UMAD1: variants seen among roughly 807,000 people sequenced by gnomAD.
The protein encoded by UMAD1 is UBAP1-MVB12-associated (UMA) domain containing 1.
A neutral mutation model predicts 6.1 loss-of-function variants in UMAD1; 8 were observed. The observed-to-expected ratio is 1.30, with a 90% confidence interval of 0.76 to 2.35. The LOEUF (loss-of-function observed/expected upper bound fraction) is 2.35, where lower values mean the gene tolerates loss of function less well. Ranked by LOEUF, UMAD1 falls within the 30% of genes most tolerant of loss-of-function variation. The pLI is 0.00. For synonymous variants in UMAD1, 56 were observed against 31.4 expected (o/e 1.78, Z -2.61); for missense variants, 130 against 78.4 (o/e 1.66, Z -2.49).
intron 1 of UMAD1, among the ~76,000 whole-genome samples, chr7:7,672,299 G>T (rs1013475887): frequency 6.6e-6 from 1 of 152,086 alleles, no homozygotes; most frequent in Non-Finnish European, 1.5e-5. Flanking sequence ...TCTAGAAATT[G>T]TTGGCCTACT....
intron 2 of UMAD1, among the ~76,000 whole-genome samples, chr7:7,687,915 C>T (rs1583737415): frequency 6.6e-6 from 1 of 152,258 alleles, no homozygotes; most frequent in Admixed American, 6.5e-5. Flanking sequence ...CCATCATTTC[C>T]TGATGCACCA....
At chr7:7,685,385 C>T (rs1287219922) in intron 2 of UMAD1, among the ~76,000 whole-genome samples, 1 of 151,248 alleles carries the variant, frequency 6.6e-6, no homozygotes. Flanking sequence ...TCTCAGCTCA[C>T]TGCAACCTCT....
chr7:7,703,688 T>G (rs1780523876), intron 2 of UMAD1, among the ~76,000 whole-genome samples: 1 of 152,136 alleles, frequency 6.6e-6, no homozygotes, highest in Non-Finnish European at 1.5e-5. Flanking sequence ...CGCAGACATC[T>G]CAGCACTTTG....
At chr7:7,782,441 C>T (rs1782364267) in intron 2 of UMAD1, among the ~76,000 whole-genome samples, 1 of 152,056 alleles carries the variant, frequency 6.6e-6, no homozygotes, top group Admixed American at 6.5e-5. Flanking sequence ...TCTTTTTCCT[C>T]AGAGATAAGA....
chr7:7,734,017 T>G (rs1356710170), intron 2 of UMAD1, among the ~76,000 whole-genome samples: 5 of 152,144 alleles, frequency 3.3e-5, no homozygotes, highest in African/African-American at 1.2e-4. Flanking sequence ...GGATTAACAG[T>G]GTGTGCTTTA....
At chr7:7,859,355 A>C (rs1784073982) in intron 3 of UMAD1, among the ~76,000 whole-genome samples, 1 of 152,230 alleles carries the variant, frequency 6.6e-6, no homozygotes, top group Non-Finnish European at 1.5e-5. Flanking sequence ...TCTTACCATA[A>C]TCAAGAACAG....
At chr7:7,818,732 T>TA (rs1180872758) in intron 3 of UMAD1, among the ~76,000 whole-genome samples, 21 of 152,344 alleles carry the variant, frequency 1.4e-4, no homozygotes, top group African/African-American at 5.0e-4. Flanking sequence ...TGTAGCACTA[T>TA]TCACAATAGC....
intron 3 of UMAD1, among the ~76,000 whole-genome samples, chr7:7,816,912 A>G (rs1413706953): frequency 5.9e-5 from 9 of 152,120 alleles, no homozygotes; most frequent in Non-Finnish European, 1.0e-4. Flanking sequence ...CACAAATCTG[A>G]CCATGTAGTT....
chr7:7,658,343 C>G lies in UMAD1; in HGVS notation c.-63-14966C>G, dbSNP rs373838071. Among the ~76,000 whole-genome samples the G allele has an allele frequency of 5.8e-4, 89 of 152,346 alleles. 2 individuals are homozygous for G. The highest frequency in any genetic ancestry group is 2.1e-3 in the African/African-American group (86 of 41,570). On this transcript the variant is annotated intron_variant, in intron 1 of 3. Coordinates refer to ENST00000682710, the MANE Select transcript of UMAD1 (RefSeq NM_001302348.2). ...ATGGCCCTGGCCAGAACTTCTAATA[C>G]TGTGTTGAATAGGAGTGGTGAGAGA...
intron 2 of UMAD1, chr7:7,742,115 C>G (rs1478442921): frequency 1.7e-6 from 1 of 600,030 alleles, no homozygotes; most frequent in Non-Finnish European, 3.2e-6. Flanking sequence ...TGGCAACATC[C>G]AAAGCATCGT....
At chr7:7,817,233 C>G (rs149133420) in intron 3 of UMAD1, among the ~76,000 whole-genome samples, 1 of 152,300 alleles carries the variant, frequency 6.6e-6, no homozygotes, top group East Asian at 1.9e-4. Flanking sequence ...CATTTAGTCT[C>G]CCCTCTGGTC....
At chr7:7,737,032 CCTT>C (rs941128927) in intron 2 of UMAD1, among the ~76,000 whole-genome samples, 1 of 152,256 alleles carries the variant, frequency 6.6e-6, no homozygotes, top group Admixed American at 6.5e-5. Flanking sequence ...GAGGGGTTTT[CCTT>C]CTTTGGCGTG....
intron 2 of UMAD1, among the ~76,000 whole-genome samples, chr7:7,789,044 G>C (rs945701011): frequency 1.3e-5 from 2 of 152,148 alleles, no homozygotes; most frequent in Admixed American, 6.5e-5. Flanking sequence ...TTGATATGCA[G>C]TATCACTAAC....
At chr7:7,875,310 G>C (rs1784396784) in intron 3 of UMAD1, among the ~76,000 whole-genome samples, 2 of 152,176 alleles carry the variant, frequency 1.3e-5, no homozygotes, top group African/African-American at 2.4e-5. Context: ...AAATTCATAA[G>C]CTAGCAGAAG....
intron 2 of UMAD1, among the ~76,000 whole-genome samples, chr7:7,761,319 C>A (rs953400837): frequency 6.9e-6 from 1 of 144,900 alleles, no homozygotes; most frequent in Non-Finnish European, 1.5e-5. Flanking sequence ...GAGCTGTGAT[C>A]GTGTCACTGT....
chr7:7,795,301 C>T (rs1385634482), intron 2 of UMAD1, among the ~76,000 whole-genome samples: 1 of 152,226 alleles, frequency 6.6e-6, no homozygotes, highest in Admixed American at 6.5e-5. Context: ...GCTAGTTCCA[C>T]TCAGTTACAG....
rs545533665 is a variant in UMAD1 at position 7,765,985 on chromosome 7, A to G, written c.83-35685A>G. On this transcript the variant is annotated intron_variant, in intron 2 of 3. Coordinates refer to ENST00000682710, the MANE Select transcript of UMAD1 (RefSeq NM_001302348.2). ...AATGGTAGAACAGTTCTCCTCAGTT[A>G]CATATCGTTGTAATAGTGGAATAAG... Among the ~76,000 whole-genome samples the G allele has an allele frequency of 2.6e-5, 4 of 152,306 alleles. No individual in the cohort carries two copies. The South Asian group carries it at 8.3e-4, about 32-fold the overall frequency.
At chr7:7,680,116 C>G (rs922648006) in intron 2 of UMAD1, among the ~76,000 whole-genome samples, 3 of 152,048 alleles carry the variant, frequency 2.0e-5, no homozygotes, top group African/African-American at 7.2e-5. Flanking sequence ...AATCTTTGTT[C>G]AGATTACTGT....
chr7:7,818,029 G>A (rs1783166440), intron 3 of UMAD1, among the ~76,000 whole-genome samples: 1 of 152,098 alleles, frequency 6.6e-6, no homozygotes, highest in South Asian at 2.1e-4. Context: ...AGGATGTGCA[G>A]GTTTGTTACA....
Sources: gnomAD v4.1 joint callset for allele counts (sites outside exome capture counted in the v4.1 genomes callset) on GRCh38, gnomAD v4.1.1 for gene constraint, MANE v1.5 for transcripts, NCBI Gene and HGNC (gene_info 2026-07-23, HGNC 2026-07-21) for gene names.